LY96: variants seen among roughly 807,000 people sequenced by gnomAD.
LY96 encodes the protein lymphocyte antigen 96, also known as myeloid differentiation protein-2.
A neutral mutation model predicts 18.9 loss-of-function variants in LY96; 18 were observed. The observed-to-expected ratio is 0.95, with a 90% CI of 0.66 to 1.41. The LOEUF (loss-of-function observed/expected upper bound fraction) is 1.41. Among genes scored for constraint, LY96 ranks in the 40% most tolerant of loss-of-function variants. The probability of loss-of-function intolerance (pLI) is 0.00; values close to 1 mark genes in which losing one functional copy is unlikely to be tolerated. For synonymous variants in LY96, 66 were observed against 62.6 expected (o/e 1.06, Z -0.26); for missense variants, 175 against 182.4 (o/e 0.96, Z 0.23).
intron 3 of LY96, 123 bp from the exon 4 acceptor site, chr8:74,026,666 A>G (rs1816878172): frequency 1.5e-6 from 1 of 673,092 alleles, no homozygotes; most frequent in Non-Finnish European, 2.8e-6. Flanking sequence ...AAGATTCATT[A>G]TTTTTCTACA....
intron 4 of LY96, among the ~76,000 whole-genome samples, chr8:74,027,130 C>T (rs530020152): frequency 1.6e-4 from 25 of 151,982 alleles, no homozygotes; most frequent in South Asian, 8.3e-4. Context: ...GGAAGAGACG[C>T]GGTTTCACCA....
intron 3 of LY96, among the ~76,000 whole-genome samples, chr8:74,019,095 G>C (rs540439467): frequency 6.6e-6 from 1 of 152,244 alleles, no homozygotes; most frequent in Admixed American, 6.5e-5. Context: ...GAACGAGATA[G>C]AGACAAAAAA....
chr8:74,004,986 C>T (rs959414097), intron 2 of LY96, 101 bp downstream of exon 2: 8 of 1,270,578 alleles, frequency 6.3e-6, no homozygotes, highest in East Asian at 5.0e-5. Context: ...TTATCTATTG[C>T]TACGTAACAA....
In LY96 at chr8:74,010,050, C is replaced by T. The variant is rs767857532; in HGVS notation, c.252C>T (p.Thr84=). The T allele has an allele frequency of 6.2e-7, 1 of 1,609,842 alleles. No individual in the cohort carries two copies. The part of the protein sequence containing the change: ...LYFNLYITVN[T]MNLPKRKEVI... ...TCAATCTCTATATAACTGTCAACAC[C>T]ATGAATCTTCCAAAGCGCAAAGAAG... Residue 84 remains threonine, a synonymous_variant, in exon 3 of 5, where the codon ACC becomes ACT. Coordinates refer to ENST00000284818, the MANE Select transcript of LY96 (RefSeq NM_015364.5).
At chr8:74,024,038 A>G (rs990945309) in intron 3 of LY96, among the ~76,000 whole-genome samples, 1 of 152,158 alleles carries the variant, frequency 6.6e-6, no homozygotes, top group African/African-American at 2.4e-5. Flanking sequence ...GGCCTTGAAA[A>G]TTATGTATTT....
chr8:74,086,297 A>G, the LY96 span, among the ~76,000 whole-genome samples: 2 of 152,136 alleles, frequency 1.3e-5, no homozygotes, highest in African/African-American at 4.8e-5. Context: ...TCTACAAACT[A>G]TAGGGAGAAC....
the LY96 span, among the ~76,000 whole-genome samples, chr8:74,051,517 G>C: frequency 6.6e-6 from 1 of 152,108 alleles, no homozygotes; most frequent in South Asian, 2.1e-4. Context: ...GAAATTTTTA[G>C]CAGGTACCAT....
the LY96 span, among the ~76,000 whole-genome samples, chr8:74,044,157 T>C: frequency 6.6e-6 from 1 of 151,666 alleles, no homozygotes. Flanking sequence ...AACATGTATG[T>C]TATTTTTTTT....
chr8:74,014,812 TACACACACACACAC>T (rs111566455), intron 3 of LY96, among the ~76,000 whole-genome samples: 2 of 144,666 alleles, frequency 1.4e-5, no homozygotes, highest in Non-Finnish European at 3.0e-5. Context: ...CTCACCAGTT[TACACACACACACAC>T]ACACACACAC....
At chr8:74,041,446 C>T in the LY96 span, among the ~76,000 whole-genome samples, 1 of 152,186 alleles carries the variant, frequency 6.6e-6, no homozygotes, top group Non-Finnish European at 1.5e-5. Flanking sequence ...TAAGGTCTGA[C>T]TGCCTGTGGG....
the LY96 span, among the ~76,000 whole-genome samples, chr8:74,068,905 A>G: frequency 0.13 from 19,612 of 152,050 alleles, 2,466 homozygotes; most frequent in African/African-American, 0.33. Context: ...AGCAATTCTC[A>G]TGCCTCAGCC....
chr8:74,020,998 A>G (rs911448909), intron 3 of LY96, among the ~76,000 whole-genome samples: 47 of 152,356 alleles, frequency 3.1e-4, no homozygotes, highest in African/African-American at 1.0e-3. Flanking sequence ...ATGATTCAGG[A>G]CATAGGCATG....
chr8:74,010,008 T>C lies in LY96; in HGVS notation c.210T>C (p.Asp70=). ...GGATTTTTTCTTTTAAAGGGAGAGA[T>C]TTAAAGCAATTATATTTCAATCTCT... is the stretch of plus-strand genomic sequence containing the variant. ...LLHIFYIPRR[D]LKQLYFNLYI... is the part of the protein sequence containing the mutation. Residue 70 remains aspartate, a synonymous_variant, in exon 3 of 5, where the codon GAT becomes GAC. Coordinates refer to ENST00000284818, the MANE Select transcript of LY96 (RefSeq NM_015364.5). 4 of 1,600,986 alleles carry C rather than the reference T, an allele frequency of 2.5e-6. No individual in the cohort carries two copies. In the South Asian group the frequency reaches 3.3e-5, roughly 13 times the overall value.
chr8:73,995,857 G>T (rs1816115647), intron 1 of LY96, among the ~76,000 whole-genome samples: 1 of 152,140 alleles, frequency 6.6e-6, no homozygotes, highest in East Asian at 1.9e-4. Flanking sequence ...TAACAACAAA[G>T]ACAAAAGTCC....
the LY96 span, among the ~76,000 whole-genome samples, chr8:74,044,417 C>T: frequency 2.0e-5 from 3 of 152,108 alleles, no homozygotes; most frequent in African/African-American, 7.2e-5. Context: ...TCTCAAATTC[C>T]TGAGCTCAGG....
At chr8:74,011,830 GC>G (rs1463262774) in intron 3 of LY96, among the ~76,000 whole-genome samples, 2 of 142,864 alleles carry the variant, frequency 1.4e-5, no homozygotes, top group Non-Finnish European at 3.0e-5. Flanking sequence ...TTGCACTCCA[GC>G]CCAGGTGACA....
chr8:74,094,870 T>C, the LY96 span, among the ~76,000 whole-genome samples: 2 of 152,248 alleles, frequency 1.3e-5, no homozygotes, highest in African/African-American at 4.8e-5. Flanking sequence ...TCATCTCTTA[T>C]GCATTCACAT....
At chr8:73,999,162 G>A (rs1254016575) in intron 1 of LY96, among the ~76,000 whole-genome samples, 1 of 151,930 alleles carries the variant, frequency 6.6e-6, no homozygotes, top group Non-Finnish European at 1.5e-5. Flanking sequence ...TAGAGATAGG[G>A]TTTCACCATG....
At chr8:74,047,297 C>A in the LY96 span, among the ~76,000 whole-genome samples, 1 of 152,346 alleles carries the variant, frequency 6.6e-6, no homozygotes, top group Middle Eastern at 3.4e-3. Context: ...AATATGCTTT[C>A]TGGCACAGTA....
Sources: gnomAD v4.1 joint callset for allele counts (sites outside exome capture counted in the v4.1 genomes callset) on GRCh38, gnomAD v4.1.1 for gene constraint, MANE v1.5 for transcripts, NCBI Gene and HGNC (gene_info 2026-07-23, HGNC 2026-07-21) for gene names.